RERG: variants seen among roughly 807,000 people sequenced by gnomAD.
RERG encodes the protein RAS like estrogen regulated growth inhibitor.
In RERG, 25 loss-of-function variants were observed where a neutral mutation model predicts 23.2. The ratio of observed to expected loss-of-function variants is 1.08; its 90% CI spans 0.79 to 1.50. The LOEUF is 1.50. RERG is among the 40% of genes most tolerant of loss of function. The pLI, the probability that RERG is intolerant of heterozygous loss-of-function variation, is 0.00. For synonymous variants in RERG, 81 were observed against 89.1 expected (o/e 0.91, Z 0.51); for missense variants, 253 against 250.1 (o/e 1.01, Z -0.08).
chr12:15,189,203 T>C (rs1865034801), intron 2 of RERG, among the ~76,000 whole-genome samples: 1 of 152,190 alleles, frequency 6.6e-6, no homozygotes, highest in Non-Finnish European at 1.5e-5. Flanking sequence ...GCTTAAAATA[T>C]TCCAATGGTT....
At chr12:15,122,845 C>CTGGA (rs1863859015) in intron 2 of RERG, among the ~76,000 whole-genome samples, 1 of 150,072 alleles carries the variant, frequency 6.7e-6, no homozygotes, top group African/African-American at 2.5e-5. Flanking sequence ...GTTGCCCAGG[C>CTGGA]TGGAGTGCAG....
At chr12:15,203,894 A>G (rs1264331542) in intron 2 of RERG, among the ~76,000 whole-genome samples, 1 of 151,726 alleles carries the variant, frequency 6.6e-6, no homozygotes, top group Non-Finnish European at 1.5e-5. Flanking sequence ...ATTGAGAACT[A>G]TAATACATTG....
At chr12:15,167,669 G>T (rs373238177) in intron 2 of RERG, among the ~76,000 whole-genome samples, 1 of 152,130 alleles carries the variant, frequency 6.6e-6, no homozygotes. Context: ...CTTTAAAAAA[G>T]ATAGTAGTAG....
chr12:15,168,407 C>T (rs1159334492), intron 2 of RERG, among the ~76,000 whole-genome samples: 4 of 152,138 alleles, frequency 2.6e-5, no homozygotes, highest in Non-Finnish European at 1.5e-5. Context: ...TTTGACTCCC[C>T]AGAGGTTTTT....
At chr12:15,160,960 C>A (rs1864595304) in intron 2 of RERG, among the ~76,000 whole-genome samples, 1 of 151,906 alleles carries the variant, frequency 6.6e-6, no homozygotes, top group Non-Finnish European at 1.5e-5. Flanking sequence ...CATGGTGAAA[C>A]CCCGTCTCTA....
intron 2 of RERG, among the ~76,000 whole-genome samples, chr12:15,140,201 C>T (rs1864213583): frequency 1.3e-5 from 2 of 151,910 alleles, no homozygotes; most frequent in South Asian, 4.2e-4. Flanking sequence ...AGGATGAAAC[C>T]CTCATGACTG....
chr12:15,194,984 T>G (rs1391574126), intron 2 of RERG, among the ~76,000 whole-genome samples: 2 of 152,106 alleles, frequency 1.3e-5, no homozygotes, highest in Non-Finnish European at 1.5e-5. Context: ...TTCCATTTGT[T>G]TTGTTTTCTA....
At chr12:15,164,030 A>C (rs984055596) in intron 2 of RERG, among the ~76,000 whole-genome samples, 4 of 152,208 alleles carry the variant, frequency 2.6e-5, no homozygotes, top group Non-Finnish European at 5.9e-5. Context: ...GAAGAGGAGA[A>C]GAGAGACAAG....
Position 15,107,997 on chromosome 12 carries a change from G to C in RERG, c.*1113C>G, listed in dbSNP as rs574797841. 1.3e-3 allele frequency: 194 copies of C among 152,608 alleles called. No homozygotes were observed. Among genetic ancestry groups the C allele is most frequent in the South Asian group, 6.0e-3 (29 of 4,828 alleles). The allele number at this position is 152,608 out of a possible 1,614,324, so 9.5% of individuals were successfully genotyped here. ...CTTGATATATATAGGGGCATAATGG[G>C]GGAGAAAAGAATCATAAGGTTTTAT... On this transcript the variant is annotated 3_prime_UTR_variant, in exon 5 of 5. Coordinates refer to ENST00000256953, the MANE Select transcript of RERG (RefSeq NM_032918.3).
intron 2 of RERG, among the ~76,000 whole-genome samples, chr12:15,212,042 C>CTTTTTT (rs772353150): frequency 0.014 from 890 of 64,708 alleles, 127 homozygotes; most frequent in Non-Finnish European, 0.022. Flanking sequence ...CACGAATAAA[C>CTTTTTT]TTTTTTTTTT....
intron 2 of RERG, among the ~76,000 whole-genome samples, chr12:15,128,680 T>A (rs1591638829): frequency 6.6e-6 from 1 of 152,230 alleles, no homozygotes; most frequent in African/African-American, 2.4e-5. Context: ...GCAAAGCTTG[T>A]GTTTTCTGGA....
At chr12:15,188,004 T>C (rs763227050) in intron 2 of RERG, among the ~76,000 whole-genome samples, 17 of 152,154 alleles carry the variant, frequency 1.1e-4, no homozygotes, top group Admixed American at 3.9e-4. Flanking sequence ...GAGTAAATTA[T>C]AGAGAACACC....
intron 3 of RERG, among the ~76,000 whole-genome samples, chr12:15,116,050 T>C (rs545106894): frequency 6.6e-6 from 1 of 152,250 alleles, no homozygotes; most frequent in Non-Finnish European, 1.5e-5. Flanking sequence ...TTTCAGAATA[T>C]TCCATCCCCC....
At chr12:15,175,362 TG>T in intron 2 of RERG, among the ~76,000 whole-genome samples, 1 of 150,086 alleles carries the variant, frequency 6.7e-6, no homozygotes, top group African/African-American at 2.4e-5. Flanking sequence ...TGTGTGTGTG[TG>T]TGTGTGTGTG....
intron 3 of RERG, among the ~76,000 whole-genome samples, chr12:15,115,057 G>A (rs1863694691): frequency 6.6e-6 from 1 of 151,714 alleles, no homozygotes; most frequent in Non-Finnish European, 1.5e-5. Flanking sequence ...AAAAATGCAT[G>A]GATCTTAAAA....
At chr12:15,219,128 G>T (rs12320285) in intron 1 of RERG, among the ~76,000 whole-genome samples, 54,044 of 151,938 alleles carry the variant, frequency 0.36, 10,136 homozygotes, top group African/African-American at 0.48. Flanking sequence ...ACACCAGTCT[G>T]CATAATTCAT....
Position 15,111,340 on chromosome 12 carries a change from T to C in RERG, c.192+4A>G, listed in dbSNP as rs191757230. 7,446 of 1,601,320 alleles carry C rather than the reference T, an allele frequency of 4.6e-3. 33 individuals are homozygous for C. The highest frequency in any genetic ancestry group is 5.8e-3 in the Non-Finnish European group (6,817 of 1,170,542). On this transcript the variant is annotated splice_donor_region_variant and intron_variant, in intron 4 of 4. Transcript: ENST00000256953. Reference sequence around the variant, plus strand: ...AAAATATTTTAGCTGAACTCTTTATTCACCTGACCAGCAGTGTCTAGTATC... The same window carrying C: ...AAAATATTTTAGCTGAACTCTTTATCCACCTGACCAGCAGTGTCTAGTATC...
chr12:15,163,184 C>A (rs993551308), intron 2 of RERG, among the ~76,000 whole-genome samples: 8 of 152,066 alleles, frequency 5.3e-5, no homozygotes, highest in Admixed American at 4.6e-4. Context: ...CAGACGTTAT[C>A]CCTGCCAGGT....
intron 2 of RERG, among the ~76,000 whole-genome samples, chr12:15,205,464 A>G (rs548451435): frequency 1.3e-5 from 2 of 152,164 alleles, no homozygotes; most frequent in African/African-American, 4.8e-5. Flanking sequence ...GATACGAAAT[A>G]TTTGAATGGA....
Sources: allele counts gnomAD v4.1 joint callset (sites outside exome capture counted in the v4.1 genomes callset), GRCh38; gene constraint gnomAD v4.1.1; transcripts MANE v1.5; gene names NCBI Gene and HGNC (gene_info 2026-07-23, HGNC 2026-07-21).